Variants in TRDN observed in about 807,000 individuals in gnomAD.
TRDN encodes the protein triadin in skeletal muscle.
TRDN carries 161 observed loss-of-function variants against 149.7 expected under a neutral mutation model. That is an observed-to-expected ratio of 1.08 (90% CI 0.95 to 1.23). The LOEUF (loss-of-function observed/expected upper bound fraction) is 1.23. Among genes scored for constraint, TRDN ranks in the 50% most tolerant of loss-of-function variants. TRDN has a pLI of 0.00. For missense variants in TRDN, 896 were observed against 823.5 expected (o/e 1.09, Z -1.08); for synonymous variants, 294 against 250.5 (o/e 1.17, Z -1.64).
intron 5 of TRDN, among the ~76,000 whole-genome samples, chr6:123,523,830 G>A (rs1779806764): frequency 6.6e-6 from 1 of 152,108 alleles, no homozygotes; most frequent in African/African-American, 2.4e-5. Context: ...GTACCCCAGT[G>A]GTGAAAGAGG....
At chr6:123,550,168 T>A (rs1364251524) in intron 2 of TRDN, among the ~76,000 whole-genome samples, 2 of 151,706 alleles carry the variant, frequency 1.3e-5, no homozygotes, top group Non-Finnish European at 2.9e-5. Flanking sequence ...TAACAATGAG[T>A]GAGATCACCA....
intron 12 of TRDN, among the ~76,000 whole-genome samples, chr6:123,404,814 T>A (rs971720394): frequency 6.6e-6 from 1 of 152,196 alleles, no homozygotes; most frequent in Non-Finnish European, 1.5e-5. Context: ...TCAGCTCACA[T>A]GCTAATGCTC....
chr6:123,268,531 G>A (rs1272321031), intron 31 of TRDN, among the ~76,000 whole-genome samples: 3 of 152,058 alleles, frequency 2.0e-5, no homozygotes, highest in African/African-American at 4.8e-5. Context: ...AACAGACCAA[G>A]TGTTACCTCT....
intron 27 of TRDN, 74 bp from the exon 28 acceptor site, chr6:123,273,437 G>C: frequency 1.3e-6 from 1 of 748,026 alleles, no homozygotes; most frequent in South Asian, 2.7e-5. Flanking sequence ...AATACAACTG[G>C]TTATTGTAAA....
chr6:123,516,192 T>C lies in TRDN; in HGVS notation c.499A>G (p.Lys167Glu). The C allele has an allele frequency of 5.4e-6, 8 of 1,489,244 alleles. No individual in the cohort carries two copies. The highest frequency in any genetic ancestry group is 7.2e-6 in the Non-Finnish European group (8 of 1,107,744). The allele number at this position is 1,489,244 out of a possible 1,614,324, so 92.3% of individuals were successfully genotyped here. ...KIQTKVTHKE[K>E]EKGKEKVREK... ...CTTACTTTTTCTTTTCCTTTTTCTT[T>C]TTCTTTGTGTGTAACTGAAAAGAAA... Residue 167 changes from lysine (K) to glutamate (E), a missense_variant, in exon 6 of 41, where the codon AAA becomes GAA. Lys to Glu is a moderately conservative substitution (Grantham distance 56). Coordinates refer to ENST00000334268, the MANE Select transcript of TRDN (RefSeq NM_006073.4).
intron 23 of TRDN, 146 bp from the exon 24 acceptor site, chr6:123,316,641 A>C: frequency 1.8e-6 from 1 of 542,424 alleles, no homozygotes; most frequent in Non-Finnish European, 3.2e-6. Flanking sequence ...ATATACTGTT[A>C]TCAAAATATT....
At chr6:123,438,887 A>AG in intron 11 of TRDN, 57 bp downstream of exon 11, 2 of 1,301,240 alleles carry the variant, frequency 1.5e-6, no homozygotes, top group South Asian at 2.8e-5. Context: ...ATTTACCAGT[A>AG]GTATTATGCA....
chr6:123,599,592 A>T (rs969606797), intron 1 of TRDN, among the ~76,000 whole-genome samples: 1 of 149,062 alleles, frequency 6.7e-6, no homozygotes, highest in Non-Finnish European at 1.5e-5. Flanking sequence ...ATTTGGTGCT[A>T]TTTTTTTTTT....
intron 4 of TRDN, among the ~76,000 whole-genome samples, chr6:123,544,614 A>G (rs1322436894): frequency 1.3e-5 from 2 of 152,062 alleles, no homozygotes; most frequent in African/African-American, 2.4e-5. Context: ...ATTTTTTCCG[A>G]AAATGTGATT....
chr6:123,257,194 G>T (rs1467680823), intron 35 of TRDN, among the ~76,000 whole-genome samples: 3 of 151,922 alleles, frequency 2.0e-5, no homozygotes, highest in African/African-American at 7.3e-5. Flanking sequence ...TGGCCAGGGT[G>T]GTCTCGATCT....
intron 1 of TRDN, among the ~76,000 whole-genome samples, chr6:123,578,225 G>A (rs1282455936): frequency 6.6e-6 from 1 of 152,058 alleles, no homozygotes; most frequent in Non-Finnish European, 1.5e-5. Flanking sequence ...TGTCCAGGAT[G>A]ATATTGCCTA....
intron 23 of TRDN, among the ~76,000 whole-genome samples, chr6:123,316,871 A>T (rs1389287574): frequency 6.6e-6 from 1 of 151,814 alleles, no homozygotes; most frequent in African/African-American, 2.4e-5. Context: ...TCCTAATTTG[A>T]CCAACTTAAG....
intron 12 of TRDN, among the ~76,000 whole-genome samples, chr6:123,394,191 T>A (rs1772628064): frequency 3.3e-5 from 5 of 152,268 alleles, no homozygotes; most frequent in Admixed American, 3.3e-4. Flanking sequence ...GGGCAAAATA[T>A]ATCCGAGAGA....
intron 16 of TRDN, among the ~76,000 whole-genome samples, chr6:123,380,215 G>A (rs906005620): frequency 2.6e-5 from 4 of 152,168 alleles, no homozygotes; most frequent in Admixed American, 2.6e-4. Flanking sequence ...GCGTGAAAAG[G>A]CATGTTTATT....
rs117640346 is a variant in TRDN at position 123,571,947 on chromosome 6, C to T, written c.23-815G>A. On this transcript the variant is annotated intron_variant, in intron 1 of 40. Coordinates refer to ENST00000334268, the MANE Select transcript of TRDN (RefSeq NM_006073.4). Reference sequence around the variant, plus strand: ...GGATAGGGCAGAAATTTTCTCAGCACATATTATTATTTATTTCTTTAGGAG... The same window carrying T: ...GGATAGGGCAGAAATTTTCTCAGCATATATTATTATTTATTTCTTTAGGAG... 4.8e-3 allele frequency among the ~76,000 whole-genome samples: 729 copies of T among 152,150 alleles called. 1 individual carries two copies. Among genetic ancestry groups the T allele is most frequent in the Non-Finnish European group, 7.5e-3 (512 of 67,964 alleles).
chr6:123,559,111 A>G (rs1016610795), intron 2 of TRDN, among the ~76,000 whole-genome samples: 3 of 152,178 alleles, frequency 2.0e-5, no homozygotes, highest in Admixed American at 6.5e-5. Context: ...GAAGACTGAC[A>G]CTGCCCGATC....
intron 7 of TRDN, chr6:123,509,830 T>C (rs1008900540): frequency 6.6e-6 from 1 of 152,176 alleles, no homozygotes; most frequent in Non-Finnish European, 1.5e-5. Context: ...AAAAAGATGC[T>C]TGAAGACCTG....
At chr6:123,282,537 C>T (rs1777621246) in intron 24 of TRDN, among the ~76,000 whole-genome samples, 1 of 151,796 alleles carries the variant, frequency 6.6e-6, no homozygotes, top group Non-Finnish European at 1.5e-5. Context: ...TGTATAACTA[C>T]ATCTACAATG....
chr6:123,350,055 A>G, intron 21 of TRDN: 1 of 983,442 alleles, frequency 1.0e-6, no homozygotes, highest in Non-Finnish European at 1.2e-6. Context: ...ATATTTTATT[A>G]TAGTGAACTC....
Sources: gnomAD v4.1 joint callset for allele counts (sites outside exome capture counted in the v4.1 genomes callset) on GRCh38, gnomAD v4.1.1 for gene constraint, MANE v1.5 for transcripts, NCBI Gene and HGNC (gene_info 2026-07-23, HGNC 2026-07-21) for gene names.